The following KCNIP1 variants were observed in gnomAD, a reference collection of about 807,000 sequenced individuals.
KCNIP1 encodes A-type potassium channel modulatory protein KCNIP1.
Under a neutral mutation model 33.0 loss-of-function variants are expected in KCNIP1, and 18 were observed. The ratio of observed to expected loss-of-function variants is 0.55; its 90% CI spans 0.38 to 0.81. The LOEUF (loss-of-function observed/expected upper bound fraction) is 0.81. Among genes scored for constraint, KCNIP1 ranks in the 30% least tolerant of loss-of-function variants. The pLI, the probability that KCNIP1 is intolerant of heterozygous loss-of-function variation, is 0.00. For missense variants in KCNIP1, 238 were observed against 271.6 expected (o/e 0.88, Z 0.87); for synonymous variants, 93 against 98.3 (o/e 0.95, Z 0.32).
intron 1 of KCNIP1, among the ~76,000 whole-genome samples, chr5:170,557,758 A>G (rs1295801499): frequency 1.3e-5 from 2 of 152,112 alleles, no homozygotes; most frequent in Non-Finnish European, 2.9e-5. Context: ...GAGTGGAGGG[A>G]CAGGGAGAAG....
chr5:170,579,859 C>T (rs1757728987), intron 1 of KCNIP1, among the ~76,000 whole-genome samples: 2 of 152,156 alleles, frequency 1.3e-5, no homozygotes, highest in African/African-American at 4.8e-5. Flanking sequence ...CATGCATCTT[C>T]TCTGATCCCT....
intron 1 of KCNIP1, among the ~76,000 whole-genome samples, chr5:170,453,152 C>T (rs532001586): frequency 1.4e-4 from 21 of 152,274 alleles, no homozygotes; most frequent in Non-Finnish European, 2.6e-4. Context: ...TCCAAATTGA[C>T]GACTTGAAAG....
intron 1 of KCNIP1, among the ~76,000 whole-genome samples, chr5:170,445,337 C>T (rs997875416): frequency 1.3e-5 from 2 of 152,088 alleles, no homozygotes; most frequent in African/African-American, 4.8e-5. Context: ...CCTTGCTGAT[C>T]GGAGAGTCAA....
Position 170,560,892 on chromosome 5 carries a change from C to T in KCNIP1, c.61+56259C>T, listed in dbSNP as rs558887374. ...TCCATTTCCTTCTCCTCTCCCACTC[C>T]TTCCTCCCCAGATTCTCCCTCACTA... On this transcript the variant is annotated intron_variant, in intron 1 of 7. Transcript: ENST00000328939. 2.3e-3 allele frequency among the ~76,000 whole-genome samples: 354 copies of T among 152,230 alleles called. 2 individuals are homozygous for T. The highest frequency in any genetic ancestry group is 8.2e-3 in the African/African-American group (339 of 41,544).
intron 1 of KCNIP1, among the ~76,000 whole-genome samples, chr5:170,522,777 G>T (rs1035952462): frequency 1.3e-5 from 2 of 152,224 alleles, no homozygotes; most frequent in Non-Finnish European, 2.9e-5. Context: ...GGACATTCTG[G>T]CAGATTCTCC....
At position 170,439,575 on chromosome 5, in the gene KCNIP1, G is replaced by A. The variant is rs563673493; in HGVS notation, c.88+85611G>A. Among the ~76,000 whole-genome samples, 9 of 152,318 alleles carry A rather than the reference G, an allele frequency of 5.9e-5. No individual in the cohort carries two copies. The East Asian group carries it at 1.7e-3, about 29-fold the overall frequency. Reference sequence around the variant, plus strand: ...CTGGATGCCTGCTGGGGCAGAAGGCGGAATCCAGCCTGACCACTTAGTGGG... The same window carrying A: ...CTGGATGCCTGCTGGGGCAGAAGGCAGAATCCAGCCTGACCACTTAGTGGG... On this transcript the variant is annotated intron_variant, in intron 1 of 7. Transcript: ENST00000377360.
intron 1 of KCNIP1, among the ~76,000 whole-genome samples, chr5:170,393,231 GAC>G (rs1245805452): frequency 6.6e-6 from 1 of 152,160 alleles, no homozygotes; most frequent in Admixed American, 6.5e-5. Context: ...CTGCTTTCCA[GAC>G]ACCCTCAGCT....
At chr5:170,398,302 C>T (rs1754810850) in intron 1 of KCNIP1, among the ~76,000 whole-genome samples, 1 of 152,028 alleles carries the variant, frequency 6.6e-6, no homozygotes, top group South Asian at 2.1e-4. Context: ...TTGTTATTTC[C>T]CTAGAATAAA....
At chr5:170,452,677 C>T (rs556022183) in intron 1 of KCNIP1, among the ~76,000 whole-genome samples, 2 of 152,356 alleles carry the variant, frequency 1.3e-5, no homozygotes, top group African/African-American at 2.4e-5. Context: ...TTTGCCACTT[C>T]TCTCCCCACC....
intron 1 of KCNIP1, among the ~76,000 whole-genome samples, chr5:170,533,779 A>G (rs1276326893): frequency 2.0e-5 from 3 of 152,216 alleles, no homozygotes; most frequent in Non-Finnish European, 2.9e-5. Flanking sequence ...AACCAATATC[A>G]GATTTCTCCT....
intron 1 of KCNIP1, among the ~76,000 whole-genome samples, chr5:170,699,559 A>C (rs1268834717): frequency 1.3e-4 from 18 of 137,816 alleles, no homozygotes; most frequent in South Asian, 4.2e-4. Context: ...GCTCTGTGAA[A>C]AAAAAAAAAA....
At chr5:170,685,323 A>C in intron 1 of KCNIP1, among the ~76,000 whole-genome samples, 1 of 150,134 alleles carries the variant, frequency 6.7e-6, no homozygotes, top group East Asian at 1.9e-4. Flanking sequence ...TGAAGATCCC[A>C]ACTATGATCA....
At chr5:170,549,722 G>A (rs1296306204) in intron 1 of KCNIP1, among the ~76,000 whole-genome samples, 1 of 152,128 alleles carries the variant, frequency 6.6e-6, no homozygotes, top group African/African-American at 2.4e-5. Context: ...AACTCACGAA[G>A]TATATTAGAC....
At chr5:170,373,647 ATTG>A (rs1464648702) in intron 1 of KCNIP1, among the ~76,000 whole-genome samples, 2 of 152,232 alleles carry the variant, frequency 1.3e-5, no homozygotes, top group East Asian at 3.8e-4. Flanking sequence ...GAGAAGTGGT[ATTG>A]TTTTACATTT....
At chr5:170,480,755 T>A (rs1232358526) in intron 1 of KCNIP1, among the ~76,000 whole-genome samples, 4 of 152,176 alleles carry the variant, frequency 2.6e-5, no homozygotes, top group African/African-American at 7.2e-5. Flanking sequence ...AGACGAGGAA[T>A]TTAAACCCTG....
intron 1 of KCNIP1, among the ~76,000 whole-genome samples, chr5:170,389,990 T>G (rs1284492768): frequency 6.6e-6 from 1 of 152,186 alleles, no homozygotes; most frequent in Non-Finnish European, 1.5e-5. Flanking sequence ...GAGAACTGAC[T>G]TTTTAAGGAC....
intron 1 of KCNIP1, among the ~76,000 whole-genome samples, chr5:170,390,200 T>C (rs577269931): frequency 6.6e-5 from 10 of 152,154 alleles, no homozygotes; most frequent in Admixed American, 2.6e-4. Flanking sequence ...AAAGTGGAAG[T>C]AAGGATTAAA....
intron 1 of KCNIP1, among the ~76,000 whole-genome samples, chr5:170,470,869 A>G (rs1354257087): frequency 6.6e-6 from 1 of 152,156 alleles, no homozygotes; most frequent in East Asian, 1.9e-4. Flanking sequence ...CTTAGGAGAA[A>G]GCATGGTGGT....
In KCNIP1 at chr5:170,720,345, G is replaced by A. The variant is rs145371121; in HGVS notation, c.211G>A (p.Glu71Lys). ...GGAGTGCCCCAGTGGTGTGGTCAACGAAGACACATTCAAGCAGATCTATGC... is the reference window on the plus strand; with the variant it reads ...GGAGTGCCCCAGTGGTGTGGTCAACAAAGACACATTCAAGCAGATCTATGC... ...KNECPSGVVN[E>K]DTFKQIYAQF... Residue 71 changes from glutamate to lysine, a missense_variant, in exon 3 of 8, where the codon GAA (glutamate) becomes AAA (lysine). Transcript: ENST00000328939. 1.9e-5 allele frequency: 30 copies of A among 1,614,082 alleles called. No individual in the cohort carries two copies. In the African/African-American group the frequency reaches 1.9e-4, roughly 10 times the overall value.
Sources: gnomAD v4.1 joint callset for allele counts (sites outside exome capture counted in the v4.1 genomes callset) on GRCh38, gnomAD v4.1.1 for gene constraint, MANE v1.5 for transcripts, NCBI Gene and HGNC (gene_info 2026-07-23, HGNC 2026-07-21) for gene names.